Variants in SMAD2 observed in about 807,000 individuals in gnomAD.
The protein encoded by SMAD2 is MAD homolog 2.
A neutral mutation model predicts 64.4 loss-of-function variants in SMAD2; 8 were observed. The observed-to-expected ratio is 0.12, with a 90% CI of 0.07 to 0.22. The LOEUF (loss-of-function observed/expected upper bound fraction) is 0.22. Ranked by LOEUF, SMAD2 falls within the 10% of genes least tolerant of loss-of-function variation. SMAD2 has a pLI of 1.00. For missense variants in SMAD2, 289 were observed against 561.2 expected, an observed-to-expected ratio of 0.51 and a Z score of 4.90; for synonymous variants, 203 against 195.8, an observed-to-expected ratio of 1.04 and a Z score of -0.31.
chr18:47,865,102 A>G lies in SMAD2; in HGVS notation c.687T>C (p.Asp229=), dbSNP rs763972729. ...ETPPPGYISE[D]GETSDQQLNQ... is the part of the protein sequence containing the mutation. ...TCAACTGTTGGTCACTTGTTTCTCC[A>G]TCTTCACTGATATATCCAGGAGGTG... is the stretch of plus-strand genomic sequence containing the variant. Residue 229 remains aspartate, a synonymous_variant, in exon 6 of 11, where the codon GAT becomes GAC. Coordinates refer to ENST00000262160, the MANE Select transcript of SMAD2 (RefSeq NM_005901.6). 9.3e-6 allele frequency: 15 copies of G among 1,610,222 alleles called. No homozygotes were observed. The highest frequency in any genetic ancestry group is 8.3e-5 in the Admixed American group (5 of 59,972).
intron 1 of SMAD2, among the ~76,000 whole-genome samples, chr18:47,928,965 G>A (rs1212380549): frequency 6.6e-6 from 1 of 152,224 alleles, no homozygotes; most frequent in Non-Finnish European, 1.5e-5. Flanking sequence ...CGACAGCTAA[G>A]TTTACGGCAA....
rs761359766 is a variant in SMAD2, at chr18:47,896,524, G to T, written c.233C>A (p.Pro78Gln). 12 of 1,613,704 alleles carry T rather than the reference G, an allele frequency of 7.4e-6. No homozygotes were observed. The highest frequency in any genetic ancestry group is 1.0e-5 in the Non-Finnish European group (12 of 1,179,628). ...CCTGGGATCTAACAAAACTTACCTT[G>T]GTATGGTAACACATTTAGTATTACA... Reference protein sequence around the residue: ...QNCNTKCVTIPSTCSEIWGLS... With the variant: ...QNCNTKCVTIQSTCSEIWGLS... Residue 78 changes from proline to glutamine, a missense_variant, in exon 2 of 11, where the codon CCA becomes CAA. By Grantham distance (76) the Pro-to-Gln change is moderately conservative. Coordinates refer to ENST00000262160, the MANE Select transcript of SMAD2 (RefSeq NM_005901.6).
At chr18:47,881,031 T>C (rs1475090719) in intron 2 of SMAD2, among the ~76,000 whole-genome samples, 1 of 152,214 alleles carries the variant, frequency 6.6e-6, no homozygotes, top group African/African-American at 2.4e-5. Context: ...GACTTGGTTT[T>C]GTGTTGGAAT....
chr18:47,881,441 T>C (rs1169142872), intron 2 of SMAD2, among the ~76,000 whole-genome samples: 2 of 152,250 alleles, frequency 1.3e-5, no homozygotes, highest in East Asian at 3.8e-4. Context: ...ACACTGAATC[T>C]ATAAAGTGCA....
At chr18:47,896,873 T>C (rs2033459808) in intron 1 of SMAD2, 64 bp from the exon 2 acceptor site, 4 of 1,452,008 alleles carry the variant, frequency 2.8e-6, no homozygotes, top group East Asian at 2.5e-5. Context: ...AATTTCAACT[T>C]ATCATAGAAA....
Position 47,820,122 on chromosome 18 carries a change from A to C in SMAD2, c.*21705T>G, listed in dbSNP as rs1271958901. On this transcript the variant is annotated 3_prime_UTR_variant, in exon 11 of 11. Coordinates refer to ENST00000262160, the MANE Select transcript of SMAD2 (RefSeq NM_005901.6). ...GTAAATGTCTGGATCATTTCCAAAA[A>C]AAAACAATAAACTGCTGAAAATATT... The C allele has an allele frequency of 2.0e-5, 3 of 152,222 alleles. No individual in the cohort carries two copies. Among genetic ancestry groups the C allele is most frequent in the Non-Finnish European group, 4.4e-5 (3 of 68,038 alleles). 9.4% of individuals were successfully genotyped at this position (152,222 alleles called of 1,614,324 possible). A position where few individuals can be genotyped will look rare whatever the true frequency, so the allele number is the denominator to read the frequency against.
At chr18:47,898,485 AT>A (rs964013809) in intron 1 of SMAD2, among the ~76,000 whole-genome samples, 3 of 152,206 alleles carry the variant, frequency 2.0e-5, no homozygotes, top group Non-Finnish European at 4.4e-5. Context: ...CACTTTGCAC[AT>A]ATTCTTAACG....
At position 47,841,777 on chromosome 18, in the gene SMAD2, C is replaced by T. The variant is rs747612116; in HGVS notation, c.*50G>A. ...ATAGGGACCACACACAATGCTATGA[C>T]AGAAGAGTTGTTACATTAAGTCTTT... On this transcript the variant is annotated 3_prime_UTR_variant, in exon 11 of 11. Transcript: ENST00000262160. 1 of 1,611,152 alleles carries T rather than the reference C, an allele frequency of 6.2e-7. No homozygotes were observed. Among genetic ancestry groups the T allele is most frequent in the Non-Finnish European group, 8.5e-7 (1 of 1,177,588 alleles).
intron 5 of SMAD2, 48 bp from the exon 6 acceptor site, chr18:47,865,181 T>C (rs778152473): frequency 5.1e-6 from 5 of 974,202 alleles, no homozygotes; most frequent in Non-Finnish European, 8.4e-6. Flanking sequence ...ATAATCTCAC[T>C]ACCTTTTCTC....
intron 2 of SMAD2, among the ~76,000 whole-genome samples, chr18:47,885,210 C>A (rs2032836726): frequency 6.6e-6 from 1 of 151,756 alleles, no homozygotes; most frequent in South Asian, 2.1e-4. Context: ...AAGACAGTCT[C>A]TGTCACCCAG....
At chr18:47,915,457 A>G (rs1253332754) in intron 1 of SMAD2, among the ~76,000 whole-genome samples, 1 of 152,194 alleles carries the variant, frequency 6.6e-6, no homozygotes, top group Non-Finnish European at 1.5e-5. Context: ...ATGACTAGTT[A>G]GGTTTCCAAT....
In SMAD2 at chr18:47,838,829, A is replaced by T. The variant is rs1382264287; in HGVS notation, c.*2998T>A. On this transcript the variant is annotated 3_prime_UTR_variant, in exon 11 of 11. Transcript: ENST00000262160. ...TGTGGAACCTACTGGAAAAAATATTACTCATCTTAGAAATGTGATAGAAAG... is the reference window on the plus strand; with the variant it reads ...TGTGGAACCTACTGGAAAAAATATTTCTCATCTTAGAAATGTGATAGAAAG... 8.6e-6 allele frequency: 2 copies of T among 232,770 alleles called. No homozygotes were observed. Among genetic ancestry groups the T allele is most frequent in the African/African-American group, 4.4e-5 (2 of 45,304 alleles). The allele number at this position is 232,770 out of a possible 1,614,324, so 14.4% of individuals were successfully genotyped here.
chr18:47,925,239 G>A lies in SMAD2; in HGVS notation c.-54+5122C>T, dbSNP rs571405376. Among the ~76,000 whole-genome samples, 4 of 152,308 alleles carry A rather than the reference G, an allele frequency of 2.6e-5. No individual in the cohort carries two copies. The South Asian group carries it at 8.3e-4, about 32-fold the overall frequency. On this transcript the variant is annotated intron_variant, in intron 1 of 10. Transcript: ENST00000262160. ...TTTGAAAAATGACAGGGCTACCTAG[G>A]ATAATTAGTGACAATTTCACAGTAA...
At chr18:47,857,067 C>G (rs189255670) in intron 6 of SMAD2, among the ~76,000 whole-genome samples, 1 of 151,912 alleles carries the variant, frequency 6.6e-6, no homozygotes, top group East Asian at 1.9e-4. Flanking sequence ...CCGTTTTAGC[C>G]GGGATGGTCT....
rs1912637647 is a variant in SMAD2 at position 47,823,357 on chromosome 18, T to C, written c.*18470A>G. The C allele has an allele frequency of 6.6e-6, 1 of 152,186 alleles. No homozygotes were observed. The highest frequency in any genetic ancestry group is 1.5e-5 in the Non-Finnish European group (1 of 68,030). 9.4% of individuals were successfully genotyped at this position (152,186 alleles called of 1,614,324 possible). A position where few individuals can be genotyped will look rare whatever the true frequency, so the allele number is the denominator to read the frequency against. On this transcript the variant is annotated 3_prime_UTR_variant, in exon 11 of 11. Coordinates refer to ENST00000262160, the MANE Select transcript of SMAD2 (RefSeq NM_005901.6). ...TTATTCTGAACATCTTTGGTAAAAA[T>C]CAGGGTAACTTTAAGTTTCTGAAGA...
intron 2 of SMAD2, chr18:47,895,184 G>A (rs1473892862): frequency 1.3e-5 from 2 of 152,072 alleles, no homozygotes; most frequent in South Asian, 2.1e-4. Context: ...CCACACTCTA[G>A]GATGCCCTGT....
intron 1 of SMAD2, among the ~76,000 whole-genome samples, chr18:47,908,988 G>C (rs191357184): frequency 1.2e-3 from 185 of 151,822 alleles, no homozygotes; most frequent in African/African-American, 4.2e-3. Context: ...CCAATTGCTT[G>C]GTATGTACCA....
At chr18:47,850,572 T>TATATATAA (rs1278720749) in intron 7 of SMAD2, among the ~76,000 whole-genome samples, 2 of 39,930 alleles carry the variant, frequency 5.0e-5, no homozygotes, top group Non-Finnish European at 7.5e-5. Context: ...ATAATATATA[T>TATATATAA]TATATATTAT....
rs544827523 is a variant in SMAD2, at chr18:47,902,816, G to C, written c.-53-6007C>G. ...CCAAGTGTTGAGCCTTGAGAGAAGA[G>C]AGGCTGCATGGATGGTCTCTTTCCT... On this transcript the variant is annotated intron_variant, in intron 1 of 10. Transcript: ENST00000262160. 2.6e-5 allele frequency among the ~76,000 whole-genome samples: 4 copies of C among 152,294 alleles called. No individual in the cohort carries two copies. In the East Asian group the frequency reaches 5.8e-4, roughly 22 times the overall value.
Sources: allele counts gnomAD v4.1 joint callset (sites outside exome capture counted in the v4.1 genomes callset), GRCh38; gene constraint gnomAD v4.1.1; transcripts MANE v1.5; gene names NCBI Gene and HGNC (gene_info 2026-07-23, HGNC 2026-07-21).